Variants in SMARCD2 observed in about 807,000 individuals in gnomAD.
SMARCD2 encodes SWI/SNF related BAF chromatin remodeling complex subunit D2, also known as SWI/SNF-related matrix-associated actin-dependent regulator of chromatin subfamily D member 2.
A neutral mutation model predicts 70.4 loss-of-function variants in SMARCD2; 39 were observed. The observed-to-expected ratio is 0.55, with a 90% CI of 0.43 to 0.72. SMARCD2 has a LOEUF of 0.72. SMARCD2 is among the 30% of genes least tolerant of loss of function. The probability of loss-of-function intolerance (pLI) is 0.00; values close to 1 mark genes in which losing one functional copy is unlikely to be tolerated. For synonymous variants in SMARCD2, 249 were observed against 279.4 expected (o/e 0.89, Z 1.08); for missense variants, 540 against 713.4 (o/e 0.76, Z 2.77).
At chr17:63,839,224 T>C (rs1904342117) in intron 1 of SMARCD2, 2 of 985,384 alleles carry the variant, frequency 2.0e-6, no homozygotes, top group Non-Finnish European at 2.4e-6. Flanking sequence ...CAGACTAGTT[T>C]TTCCTAGTGC....
chr17:63,842,681 G>A lies in SMARCD2; in HGVS notation c.-7C>T. The A allele has an allele frequency of 7.6e-7, 1 of 1,314,364 alleles. No homozygotes were observed. Among genetic ancestry groups the A allele is most frequent in the South Asian group, 2.0e-5 (1 of 49,830 alleles). 81.4% of individuals were successfully genotyped at this position (1,314,364 alleles called of 1,614,324 possible). On this transcript the variant is annotated 5_prime_UTR_variant, in exon 1 of 13. It adds an upstream start codon to the 5' untranslated region. Coordinates refer to ENST00000448276, the MANE Select transcript of SMARCD2 (RefSeq NM_001098426.2). ...CCGCGCCTCGGCCCGACATCGCTCC[G>A]TCCCGTCCCGCGGTGCCGCGATCCG...
chr17:63,832,669 G>A lies in SMARCD2; in HGVS notation c.*269C>T, dbSNP rs2040206582. ...TTCGGAAATGTCTTACAATGTCAAA[G>A]CACAGCCTCCAGCAGTCCTACTTGG... On this transcript the variant is annotated 3_prime_UTR_variant, in exon 13 of 13. Coordinates refer to ENST00000448276, the MANE Select transcript of SMARCD2 (RefSeq NM_001098426.2). The A allele has an allele frequency of 1.8e-6, 1 of 543,624 alleles. No individual in the cohort carries two copies. Among genetic ancestry groups the A allele is most frequent in the Non-Finnish European group, 3.3e-6 (1 of 301,138 alleles). The allele number at this position is 543,624 out of a possible 1,614,324, so 33.7% of individuals were successfully genotyped here. A position where few individuals can be genotyped will look rare whatever the true frequency, so the allele number is the denominator to read the frequency against.
At position 63,833,647 on chromosome 17, in the gene SMARCD2, T is replaced by C. The variant is rs2040224551; in HGVS notation, c.1257A>G (p.Gln419=). 1.2e-6 allele frequency: 2 copies of C among 1,613,930 alleles called. No individual in the cohort carries two copies. Among genetic ancestry groups the C allele is most frequent in the Non-Finnish European group, 1.7e-6 (2 of 1,179,884 alleles). The change falls in exon 10 of 13, where the codon CAA becomes CAG. Residue 419 remains glutamine (Q), a synonymous_variant. Coordinates refer to ENST00000448276, the MANE Select transcript of SMARCD2 (RefSeq NM_001098426.2). The surrounding 1 kb of genome is among the most constrained non-coding windows in gnomAD (Gnocchi z 4.3). ...TGGTAGAGGCCAGAAAATTGCTCAT[T>C]TGGGCCTTCAGTGGGTCGTCCACCT... The part of the protein sequence containing the change: ...DVEVDDPLKA[Q]MSNFLASTTN...
In SMARCD2 at chr17:63,835,418, C is replaced by T; in HGVS notation, c.717G>A (p.Leu239=). The change falls in exon 5 of 13, where the codon CTG becomes CTA. Residue 239 remains leucine, a synonymous_variant. Coordinates refer to ENST00000448276, the MANE Select transcript of SMARCD2 (RefSeq NM_001098426.2). ...SWELRVEGKL[L]DDPSKQKRKF... ...ACCTCCCTCCCCAACTCACATCATC[C>T]AGCAGTTTTCCTTCCACTCGGAGTT... The T allele has an allele frequency of 6.2e-7, 1 of 1,613,048 alleles. No individual in the cohort carries two copies. Among genetic ancestry groups the T allele is most frequent in the African/African-American group, 1.3e-5 (1 of 75,040 alleles).
At chr17:63,841,610 T>C (rs1006180634) in intron 1 of SMARCD2, among the ~76,000 whole-genome samples, 19 of 152,356 alleles carry the variant, frequency 1.2e-4, no homozygotes, top group Non-Finnish European at 2.2e-4. Context: ...CAGAAGTCGC[T>C]GCTTTGCAAG....
rs571301591 is a variant in SMARCD2, at chr17:63,838,624, C to T, written c.217-999G>A. On this transcript the variant is annotated intron_variant, in intron 1 of 12. Coordinates refer to ENST00000448276, the MANE Select transcript of SMARCD2 (RefSeq NM_001098426.2). Reference sequence around the variant, plus strand: ...GGATTTCCCACCTGAGGCCTTGCTCCCTGACATTTCTGTGGAGCCCATCTG... The same window carrying T: ...GGATTTCCCACCTGAGGCCTTGCTCTCTGACATTTCTGTGGAGCCCATCTG... 31 of 1,497,070 alleles carry T rather than the reference C, an allele frequency of 2.1e-5. No homozygotes were observed. In the South Asian group the frequency reaches 3.4e-4, roughly 17 times the overall value. The allele number at this position is 1,497,070 out of a possible 1,614,324, so 92.7% of individuals were successfully genotyped here.
At chr17:63,838,976 GGGAGAGGAGGA>G (rs1457624934) in intron 1 of SMARCD2, 20 of 985,382 alleles carry the variant, frequency 2.0e-5, no homozygotes, top group Non-Finnish European at 2.4e-5. Context: ...CGTGAGGATG[GGGAGAGGAGGA>G]GCAGGGTGGG....
At position 63,834,564 on chromosome 17, in the gene SMARCD2, C is replaced by T; in HGVS notation, c.831G>A (p.Met277Ile). The change falls in exon 7 of 13, where the codon ATG becomes ATA. Residue 277 changes from methionine (M) to isoleucine (I), a missense_variant. Physicochemically the swap from Met to Ile is conservative, Grantham distance 10. Coordinates refer to ENST00000448276, the MANE Select transcript of SMARCD2 (RefSeq NM_001098426.2). This position sits in a 1 kb window ranked among gnomAD's most constrained non-coding sequence, Gnocchi z 5.6. ...AGCCATCTGTCTCCTGGGTGGTGGG[C>T]ATCCGGTGCCACTGGCAGGGAGGGA... ...PDNHLVEWHR[M>I]PTTQETDGFQ... 1 of 1,603,784 alleles carries T rather than the reference C, an allele frequency of 6.2e-7. No homozygotes were observed. Among genetic ancestry groups the T allele is most frequent in the Non-Finnish European group, 8.5e-7 (1 of 1,173,350 alleles).
In SMARCD2 at chr17:63,834,549, C is replaced by T; in HGVS notation, c.846G>A (p.Glu282=). The change falls in exon 7 of 13, where the codon GAG becomes GAA. Residue 282 remains glutamate (E), a synonymous_variant. Coordinates refer to ENST00000448276, the MANE Select transcript of SMARCD2 (RefSeq NM_001098426.2). The surrounding 1 kb of genome is among the most constrained non-coding windows in gnomAD (Gnocchi z 5.6). The part of the protein sequence containing the change: ...VEWHRMPTTQ[E]TDGFQVKRPG... ...GCCGTTTTACTTGGAAGCCATCTGTCTCCTGGGTGGTGGGCATCCGGTGCC... is the reference window on the plus strand; with the variant it reads ...GCCGTTTTACTTGGAAGCCATCTGTTTCCTGGGTGGTGGGCATCCGGTGCC... 6.2e-7 allele frequency: 1 copy of T among 1,607,742 alleles called. No homozygotes were observed. Among genetic ancestry groups the T allele is most frequent in the Non-Finnish European group, 8.5e-7 (1 of 1,175,510 alleles).
At chr17:63,838,661 C>T (rs1413332183) in intron 1 of SMARCD2, 2 of 1,468,250 alleles carry the variant, frequency 1.4e-6, no homozygotes, top group Non-Finnish European at 1.8e-6. Context: ...GAGTCACCTC[C>T]ACCCCCACCC....
At chr17:63,836,500 GAAAAAAAA>G (rs61376475) in intron 4 of SMARCD2, among the ~76,000 whole-genome samples, 2 of 64,830 alleles carry the variant, frequency 3.1e-5, no homozygotes, top group African/African-American at 5.0e-5. Context: ...CTCCATCTCA[GAAAAAAAA>G]AAAAAAAAAA....
rs1243067379 is a variant in SMARCD2 at position 63,832,178 on chromosome 17, A to G, written c.*760T>C. The G allele has an allele frequency of 6.6e-6, 4 of 602,048 alleles. No homozygotes were observed. The highest frequency in any genetic ancestry group is 8.8e-6 in the Non-Finnish European group (3 of 339,234). 37.3% of individuals were successfully genotyped at this position (602,048 alleles called of 1,614,324 possible). A position where few individuals can be genotyped will look rare whatever the true frequency, so the allele number is the denominator to read the frequency against. ...CCTCCTCACCAAGCTCCAAAGGGCA[A>G]CACCAGTCCTCCCAGCCTCCCCATT... On this transcript the variant is annotated 3_prime_UTR_variant, in exon 13 of 13. Coordinates refer to ENST00000448276, the MANE Select transcript of SMARCD2 (RefSeq NM_001098426.2).
At position 63,834,146 on chromosome 17, in the gene SMARCD2, G is replaced by A. The variant is rs780525848; in HGVS notation, c.1083+21C>T. ...AAGGCAAAGCAAGGGCTGAGAAAACGGGGGCTGGCATCTGGCTAACCTGGC... is the reference window on the plus strand; with the variant it reads ...AAGGCAAAGCAAGGGCTGAGAAAACAGGGGCTGGCATCTGGCTAACCTGGC... On this transcript the variant is annotated intron_variant, in intron 8 of 12. Coordinates refer to ENST00000448276, the MANE Select transcript of SMARCD2 (RefSeq NM_001098426.2). The surrounding 1 kb of genome is among the most constrained non-coding windows in gnomAD (Gnocchi z 5.6). The A allele has an allele frequency of 1.2e-5, 20 of 1,607,924 alleles. No homozygotes were observed. The highest frequency in any genetic ancestry group is 5.3e-5 in the African/African-American group (4 of 74,834).
chr17:63,840,677 G>C (rs1904425119), intron 1 of SMARCD2, among the ~76,000 whole-genome samples: 1 of 152,142 alleles, frequency 6.6e-6, no homozygotes, highest in South Asian at 2.1e-4. Flanking sequence ...CAGATCTCAA[G>C]TCCCTTCTCC....
At position 63,832,483 on chromosome 17, in the gene SMARCD2, C is replaced by T. The variant is rs2040204359; in HGVS notation, c.*455G>A. The stretch of plus-strand genomic sequence containing the variant: ...AAATACCCAAAGGAAAGGAAAAAAC[C>T]AGCAGCAAGGCTGGGCTTGTAGGAA... On this transcript the variant is annotated 3_prime_UTR_variant, in exon 13 of 13. Coordinates refer to ENST00000448276, the MANE Select transcript of SMARCD2 (RefSeq NM_001098426.2). 2 of 210,026 alleles carry T rather than the reference C, an allele frequency of 9.5e-6. No individual in the cohort carries two copies. The highest frequency in any genetic ancestry group is 1.9e-5 in the Non-Finnish European group (2 of 104,042). The allele number at this position is 210,026 out of a possible 1,614,324, so 13.0% of individuals were successfully genotyped here.
rs1472201782 is a variant in SMARCD2, at chr17:63,837,483, A to T, written c.359T>A (p.Leu120His). Reference protein sequence around the residue: ...TMMDPFRKRLLVPQAQPPMPA... With the variant: ...TMMDPFRKRLHVPQAQPPMPA... ...CATGGGAGGCTGCGCCTGGGGCACA[A>T]GCAGGCGTTTTCGGAATGGATCCAT... Residue 120 changes from leucine (L) to histidine (H), a missense_variant, in exon 2 of 13, where the codon CTT becomes CAT. By Grantham distance (99) the Leu-to-His change is moderately conservative (BLOSUM62 -3). Transcript: ENST00000448276. This position sits in a 1 kb window ranked among gnomAD's most constrained non-coding sequence, Gnocchi z 6.4. The T allele has an allele frequency of 6.3e-7, 1 of 1,589,290 alleles. No individual in the cohort carries two copies. Among genetic ancestry groups the T allele is most frequent in the African/African-American group, 1.3e-5 (1 of 74,548 alleles).
chr17:63,838,800 C>T (rs934444129), intron 1 of SMARCD2: 115 of 1,268,878 alleles, frequency 9.1e-5, no homozygotes, highest in Non-Finnish European at 1.0e-4. Context: ...CAACCAAGCC[C>T]GGCAGGGTGG....
chr17:63,833,754 T>G lies in SMARCD2; in HGVS notation c.1182-32A>C. On this transcript the variant is annotated intron_variant, in intron 9 of 12. Coordinates refer to ENST00000448276, the MANE Select transcript of SMARCD2 (RefSeq NM_001098426.2). This position sits in a 1 kb window ranked among gnomAD's most constrained non-coding sequence, Gnocchi z 4.3. The stretch of plus-strand genomic sequence containing the variant: ...GCAGCACATGGGGAGGGAAGGCACA[T>G]AGCTGACTTCATCCTGCCCACCTGG... 6.2e-7 allele frequency: 1 copy of G among 1,613,370 alleles called. No individual in the cohort carries two copies. The highest frequency in any genetic ancestry group is 1.1e-5 in the South Asian group (1 of 91,080).
At chr17:63,838,412 T>C (rs1267374247) in intron 1 of SMARCD2, among the ~76,000 whole-genome samples, 4 of 152,044 alleles carry the variant, frequency 2.6e-5, no homozygotes, top group African/African-American at 9.7e-5. Context: ...AGAGAGCAGC[T>C]AGCACCTGGA....
Sources: allele counts gnomAD v4.1 joint callset (sites outside exome capture counted in the v4.1 genomes callset), GRCh38; gene constraint gnomAD v4.1.1; non-coding constraint Gnocchi (gnomAD v3.1); transcripts MANE v1.5; gene names NCBI Gene and HGNC (gene_info 2026-07-23, HGNC 2026-07-21).